ATP7A: variants seen among roughly 807,000 people sequenced by gnomAD.
The protein encoded by ATP7A is copper-transporting ATPase 1.
In ATP7A, 7 loss-of-function variants were observed where a neutral mutation model predicts 83.5. The observed-to-expected ratio is 0.08, with a 90% CI of 0.05 to 0.16. ATP7A has a LOEUF of 0.16. ATP7A is among the 10% of genes least tolerant of loss of function. The pLI is 1.00. For missense variants in ATP7A, 940 were observed against 1,120.8 expected (o/e 0.84, Z 2.30); for synonymous variants, 354 against 395.2 (o/e 0.90, Z 1.24).
chrX:77,932,165 G>C (rs1301970721), intron 1 of ATP7A, among the ~76,000 whole-genome samples: 1 of 104,752 alleles, frequency 9.5e-6, no homozygotes, highest in Non-Finnish European at 2.0e-5. Context: ...GTTGCCGGGC[G>C]GAGGGTCTCC....
At chrX:78,020,902 A>T in intron 13 of ATP7A, 43 bp from the exon 14 acceptor site, 1 of 1,168,491 alleles carries the variant, frequency 8.6e-7, no homozygotes, top group Non-Finnish European at 1.2e-6. Context: ...AAAGACTTTG[A>T]TATGCTTCTT....
At position 78,035,376 on chromosome X, in the gene ATP7A, A is replaced by G. The variant is rs782716053; in HGVS notation, c.3511+1555A>G. Among the ~76,000 whole-genome samples, 9 of 111,704 alleles carry G rather than the reference A, an allele frequency of 8.1e-5. No homozygotes were observed. In the South Asian group the frequency reaches 2.6e-3, roughly 32 times the overall value. On this transcript the variant is annotated intron_variant, in intron 17 of 22. Transcript: ENST00000341514. ...GGAAATCTAGTCGTGTCACTCTCTA[A>G]CCAGTACCTTTTATTACAGTGTTTT...
chrX:77,958,920 C>A lies in ATP7A; in HGVS notation c.-21-12701C>A, dbSNP rs1603376500. ...TCTCCTGCCTCAGCCTCCCAAGTAG[C>A]TAGGATTACAGGTGTGCACCATCAC... On this transcript the variant is annotated intron_variant, in intron 1 of 22. Transcript: ENST00000341514. 2.8e-5 allele frequency among the ~76,000 whole-genome samples: 3 copies of A among 108,013 alleles called. 1 individual carries two copies. In the Admixed American group the frequency reaches 3.0e-4, roughly 11 times the overall value. 93.8% of individuals were successfully genotyped at this position (108,013 alleles called of 115,157 possible).
At position 78,040,737 on chromosome X, in the gene ATP7A, A is replaced by T. The variant is rs797045387; in HGVS notation, c.3801+4A>T. 3 of 1,207,119 alleles carry T rather than the reference A, an allele frequency of 2.5e-6. No individual in the cohort carries two copies. Among genetic ancestry groups the T allele is most frequent in the Non-Finnish European group, 3.4e-6 (3 of 892,727 alleles). On this transcript the variant is annotated splice_donor_region_variant and intron_variant, in intron 19 of 22. Coordinates refer to ENST00000341514, the MANE Select transcript of ATP7A (RefSeq NM_000052.7). Reference sequence around the variant, plus strand: ...AGCTAGATCTATTGCTTCTCAGGTAATTGATAGGGGTATGTGATAACTTCT... The same window carrying T: ...AGCTAGATCTATTGCTTCTCAGGTATTTGATAGGGGTATGTGATAACTTCT...
intron 1 of ATP7A, among the ~76,000 whole-genome samples, chrX:77,937,769 G>A (rs1012635841): frequency 3.6e-5 from 4 of 110,558 alleles, no homozygotes; most frequent in African/African-American, 1.3e-4. Flanking sequence ...CAAAACTATA[G>A]GGAGGAAAAC....
In ATP7A at chrX:77,962,790, C is replaced by A. The variant is rs192954854; in HGVS notation, c.-21-8831C>A. On this transcript the variant is annotated intron_variant, in intron 1 of 22. Transcript: ENST00000341514. ...TGAAGCCATATCTACAGTATCAGCT[C>A]AAGTGGAAGAGCTTGCCGTCAAATG... 5.3e-4 allele frequency: 207 copies of A among 387,675 alleles called. 1 individual carries two copies. The highest frequency in any genetic ancestry group is 4.3e-3 in the Middle Eastern group (10 of 2,335). The allele number at this position is 387,675 out of a possible 1,213,427, so 31.9% of individuals were successfully genotyped here.
intron 17 of ATP7A, among the ~76,000 whole-genome samples, chrX:78,036,513 G>A (rs953199175): frequency 5.4e-5 from 6 of 111,487 alleles, no homozygotes; most frequent in African/African-American, 2.0e-4. Context: ...CAGAGAGGTG[G>A]TTTGGGACTA....
At chrX:77,980,665 C>CT (rs1470041035) in intron 2 of ATP7A, among the ~76,000 whole-genome samples, 1 of 110,107 alleles carries the variant, frequency 9.1e-6, no homozygotes, top group Non-Finnish European at 1.9e-5. Flanking sequence ...TAATATAAAA[C>CT]TTTTTTTTAA....
chrX:77,944,277 A>G (rs2077366448), intron 1 of ATP7A, among the ~76,000 whole-genome samples: 1 of 112,271 alleles, frequency 8.9e-6, no homozygotes, highest in Non-Finnish European at 1.9e-5. Context: ...CAGCAAGAAA[A>G]AAGTGTACAC....
intron 5 of ATP7A, 102 bp from the exon 6 acceptor site, chrX:78,002,971 A>C (rs979653351): frequency 2.2e-6 from 2 of 893,873 alleles, no homozygotes; most frequent in Admixed American, 4.8e-5. Context: ...TTTAATACTT[A>C]AGAGAAATCC....
chrX:78,037,980 G>GTT (rs782643561), intron 17 of ATP7A, among the ~76,000 whole-genome samples: 1,710 of 51,180 alleles, frequency 0.033, 257 homozygotes, highest in African/African-American at 0.14. Flanking sequence ...ATCAAGAAAG[G>GTT]TTTTTTTTTT....
chrX:78,013,178 G>A (rs1407228755), intron 10 of ATP7A, 66 bp downstream of exon 10: 5 of 960,375 alleles, frequency 5.2e-6, no homozygotes, highest in African/African-American at 1.9e-5. Context: ...TATTTTTTAG[G>A]CCAATCATTG....
intron 17 of ATP7A, among the ~76,000 whole-genome samples, chrX:78,036,426 A>T (rs2078013850): frequency 9.0e-6 from 1 of 111,043 alleles, no homozygotes; most frequent in Admixed American, 9.6e-5. Context: ...AGTGTGCTTG[A>T]CTTGTTTGAG....
chrX:78,033,924 A>G (rs782813310), intron 17 of ATP7A, 103 bp downstream of exon 17: 3 of 784,858 alleles, frequency 3.8e-6, no homozygotes, highest in African/African-American at 2.1e-5. Context: ...TTGGCATCAT[A>G]ATTTCATTTC....
At chrX:77,926,551 A>C (rs1304272919) in intron 1 of ATP7A, among the ~76,000 whole-genome samples, 1 of 110,893 alleles carries the variant, frequency 9.0e-6, no homozygotes, top group Non-Finnish European at 1.9e-5. Flanking sequence ...GGCTGGTCTC[A>C]ATCTCCTGAC....
intron 9 of ATP7A, 25 bp downstream of exon 9, chrX:78,011,699 T>C: frequency 8.4e-7 from 1 of 1,191,334 alleles, no homozygotes; most frequent in South Asian, 1.8e-5. Flanking sequence ...AGCAAATATA[T>C]TTGTTAATAA....
chrX:78,009,115 C>T lies in ATP7A; in HGVS notation c.1721C>T (p.Thr574Met), dbSNP rs782076879. 102 of 1,207,230 alleles carry T rather than the reference C, an allele frequency of 8.4e-5. No homozygotes were observed. The highest frequency in any genetic ancestry group is 1.6e-4 in the South Asian group (9 of 56,695). ...GVLELVVRGM[T>M]CASCVHKIES... Reference sequence around the variant, plus strand: ...TGTCTTTAACAGGTGAGGGGAATGACGTGTGCCTCCTGCGTACATAAAATA... The same window carrying T: ...TGTCTTTAACAGGTGAGGGGAATGATGTGTGCCTCCTGCGTACATAAAATA... Residue 574 changes from threonine (T) to methionine (M), a missense_variant, in exon 7 of 23, where the codon ACG (threonine) becomes ATG (methionine). Coordinates refer to ENST00000341514, the MANE Select transcript of ATP7A (RefSeq NM_000052.7).
intron 1 of ATP7A, among the ~76,000 whole-genome samples, chrX:77,932,489 T>C (rs1407936962): frequency 1.2e-4 from 13 of 110,248 alleles, no homozygotes; most frequent in Non-Finnish European, 1.9e-4. Context: ...CACTCCTCAC[T>C]TCCCAGACGG....
intron 1 of ATP7A, among the ~76,000 whole-genome samples, chrX:77,919,458 T>A (rs968092470): frequency 5.3e-5 from 6 of 112,479 alleles, no homozygotes; most frequent in Non-Finnish European, 1.1e-4. Context: ...TTAAAAAAAA[T>A]TGTGGTAAAA....
Sources: allele counts gnomAD v4.1 joint callset (sites outside exome capture counted in the v4.1 genomes callset), GRCh38; gene constraint gnomAD v4.1.1; transcripts MANE v1.5; gene names NCBI Gene and HGNC (gene_info 2026-07-23, HGNC 2026-07-21).